PARP6: variants seen among roughly 807,000 people sequenced by gnomAD.
PARP6 encodes poly(ADP-ribose) polymerase family member 6.
Under a neutral mutation model 92.0 loss-of-function variants are expected in PARP6, and 27 were observed. The observed-to-expected ratio is 0.29, with a 90% CI of 0.22 to 0.40. PARP6 has a LOEUF of 0.40. PARP6 is among the 10% of genes least tolerant of loss of function. The pLI is 1.00. For missense variants in PARP6, 501 were observed against 784.5 expected (o/e 0.64, Z 4.32); for synonymous variants, 272 against 281.2 (o/e 0.97, Z 0.33).
chr15:72,254,388 T>C lies in PARP6; in HGVS notation c.1191+67A>G, dbSNP rs1597022413. 3.5e-6 allele frequency: 4 copies of C among 1,151,132 alleles called. No homozygotes were observed. In the East Asian group the frequency reaches 9.4e-5, roughly 27 times the overall value. The allele number at this position is 1,151,132 out of a possible 1,614,324, so 71.3% of individuals were successfully genotyped here. A position where few individuals can be genotyped will look rare whatever the true frequency, so the allele number is the denominator to read the frequency against. ...TAAATCTTCATCCCACTCCCACAAATTACCAACAGAATAGGACACTTGAAC... is the reference window on the plus strand; with the variant it reads ...TAAATCTTCATCCCACTCCCACAAACTACCAACAGAATAGGACACTTGAAC... On this transcript the variant is annotated intron_variant, in intron 15 of 23. Transcript: ENST00000569795.
At chr15:72,254,053 C>CA in intron 15 of PARP6, 1 of 465,114 alleles carries the variant, frequency 2.2e-6, no homozygotes, top group South Asian at 1.5e-5. Flanking sequence ...GTCACCGCTC[C>CA]ATGTGGCTGC....
chr15:72,271,644 C>T (rs2087451045), intron 1 of PARP6, among the ~76,000 whole-genome samples: 1 of 152,188 alleles, frequency 6.6e-6, no homozygotes, highest in South Asian at 2.1e-4. Context: ...AGACATTGGA[C>T]AGGTCCTAAT....
At chr15:72,253,569 TCA>T in intron 15 of PARP6, 65 bp from the exon 16 acceptor site, 1 of 1,358,522 alleles carries the variant, frequency 7.4e-7, no homozygotes, top group Non-Finnish European at 1.0e-6. Context: ...TTTCTGCTTT[TCA>T]CAGAGTGACT....
At chr15:72,250,174 C>G in intron 18 of PARP6, 82 bp from the exon 19 acceptor site, 1 of 840,392 alleles carries the variant, frequency 1.2e-6, no homozygotes, top group Non-Finnish European at 2.1e-6. Context: ...CCCACCCATT[C>G]TCACCCACAC....
At chr15:72,256,681 T>G (rs1200609400) in intron 13 of PARP6, 91 bp from the exon 14 acceptor site, 38 of 1,127,304 alleles carry the variant, frequency 3.4e-5, no homozygotes, top group Non-Finnish European at 4.1e-5. Context: ...TGATGTTCTT[T>G]TAAAAAGCAA....
intron 20 of PARP6, among the ~76,000 whole-genome samples, chr15:72,248,735 T>G (rs2083939777): frequency 1.3e-5 from 2 of 152,232 alleles, no homozygotes; most frequent in Admixed American, 1.3e-4. Context: ...GACCTCATCT[T>G]TAGAATAAAA....
At chr15:72,252,166 C>CA (rs1331371297) in intron 16 of PARP6, among the ~76,000 whole-genome samples, 1 of 152,196 alleles carries the variant, frequency 6.6e-6, no homozygotes, top group Non-Finnish European at 1.5e-5. Flanking sequence ...AATAGTGCCT[C>CA]AAGGCTCTGG....
chr15:72,242,769 G>A lies in PARP6; in HGVS notation c.1562-70C>T. Reference sequence around the variant, plus strand: ...AAAGTGCCTACTATGTCCCAGCACTGAGCTAGATGCTCATCAAAACAGCAG... The same window carrying A: ...AAAGTGCCTACTATGTCCCAGCACTAAGCTAGATGCTCATCAAAACAGCAG... On this transcript the variant is annotated intron_variant, in intron 20 of 23. Transcript: ENST00000569795. This position sits in a 1 kb window ranked among gnomAD's most constrained non-coding sequence, Gnocchi z 4.3. 1.2e-6 allele frequency: 1 copy of A among 861,204 alleles called. No homozygotes were observed. The highest frequency in any genetic ancestry group is 1.9e-6 in the Non-Finnish European group (1 of 532,084). The allele number at this position is 861,204 out of a possible 1,614,324, so 53.3% of individuals were successfully genotyped here.
Position 72,267,651 on chromosome 15 carries a change from C to T in PARP6, c.-174G>A, listed in dbSNP as rs570339226. The T allele has an allele frequency of 1.8e-5, 12 of 655,244 alleles. No individual in the cohort carries two copies. Among genetic ancestry groups the T allele is most frequent in the African/African-American group, 1.4e-4 (8 of 55,412 alleles). The allele number at this position is 655,244 out of a possible 1,614,324, so 40.6% of individuals were successfully genotyped here. ...TTGGGGATGGCAGGCTCTGCTGTTG[C>T]GGTGGTAACAAGTCACTGTCCTGTG... On this transcript the variant is annotated 5_prime_UTR_variant, in exon 3 of 24. Coordinates refer to ENST00000569795, the MANE Select transcript of PARP6 (RefSeq NM_001323532.2).
chr15:72,250,091 C>T lies in PARP6; in HGVS notation c.1420G>A (p.Gly474Arg). ...GAATGCCAGTTCTCAATGTGGGACCCACTGTAAGGCAGGGTAGAATACATG... is the reference window on the plus strand; with the variant it reads ...GAATGCCAGTTCTCAATGTGGGACCTACTGTAAGGCAGGGTAGAATACATG... Reference protein sequence around the residue: ...KLYGSTFAFHGSHIENWHSIL... With the variant: ...KLYGSTFAFHRSHIENWHSIL... Residue 474 changes from glycine to arginine, a missense_variant and splice_region_variant, in exon 19 of 24, where the codon GGG becomes AGG. By Grantham distance (125) the Gly-to-Arg change is moderately radical (BLOSUM62 -2). Around this residue, in one of 4 missense-constraint regions of PARP6, gnomAD observed 191 missense variants for 399.1 expected, o/e 0.48. Transcript: ENST00000569795. 6.2e-7 allele frequency: 1 copy of T among 1,602,278 alleles called. No homozygotes were observed. The highest frequency in any genetic ancestry group is 8.6e-7 in the Non-Finnish European group (1 of 1,169,246).
chr15:72,245,750 G>A (rs891695939), intron 20 of PARP6: 1 of 152,120 alleles, frequency 6.6e-6, no homozygotes, highest in Non-Finnish European at 1.5e-5. Flanking sequence ...TTATGTAATC[G>A]GTTAAGTGAT....
rs2085098111 is a variant in PARP6, at chr15:72,256,154, G to A, written c.1125+311C>T. 2.0e-5 allele frequency among the ~76,000 whole-genome samples: 3 copies of A among 152,114 alleles called. No homozygotes were observed. The South Asian group carries it at 6.2e-4, about 32-fold the overall frequency. On this transcript the variant is annotated intron_variant, in intron 14 of 23. Coordinates refer to ENST00000569795, the MANE Select transcript of PARP6 (RefSeq NM_001323532.2). ...AATATTATCCCTTTTTACAAGATAA[G>A]GAGATTGAAGTTTAGAAACGTTAAG...
chr15:72,272,091 T>A (rs1027712796), intron 1 of PARP6, among the ~76,000 whole-genome samples: 1 of 152,108 alleles, frequency 6.6e-6, no homozygotes, highest in Non-Finnish European at 1.5e-5. Flanking sequence ...CTAGGAAGAA[T>A]CACTGAGGGG....
intron 20 of PARP6, among the ~76,000 whole-genome samples, chr15:72,247,037 C>T (rs1205275490): frequency 1.3e-5 from 2 of 152,078 alleles, no homozygotes; most frequent in African/African-American, 2.4e-5. Flanking sequence ...GGATTACAGG[C>T]GTGAGCCACT....
In PARP6 at chr15:72,256,602, G is replaced by T; in HGVS notation, c.1000-12C>A. The T allele has an allele frequency of 1.3e-6, 2 of 1,518,480 alleles. No homozygotes were observed. Among genetic ancestry groups the T allele is most frequent in the African/African-American group, 1.4e-5 (1 of 69,774 alleles). 94.1% of individuals were successfully genotyped at this position (1,518,480 alleles called of 1,614,324 possible). A position where few individuals can be genotyped will look rare whatever the true frequency, so the allele number is the denominator to read the frequency against. ...AGCAGATCCACCACCTTAGGGGAAA[G>T]GAAAAAAAACAGGGCAGAAGCTAAA... On this transcript the variant is annotated splice_polypyrimidine_tract_variant and intron_variant, in intron 13 of 23. Coordinates refer to ENST00000569795, the MANE Select transcript of PARP6 (RefSeq NM_001323532.2).
At chr15:72,256,388 C>A (rs1259316162) in intron 14 of PARP6, 77 bp downstream of exon 14, 1 of 1,251,326 alleles carries the variant, frequency 8.0e-7, no homozygotes, top group East Asian at 2.8e-5. Flanking sequence ...CCTGTATATA[C>A]CAGAATGTCA....
rs537907132 is a variant in PARP6, at chr15:72,242,980, A to G, written c.1562-281T>C. 3.0e-5 allele frequency: 12 copies of G among 406,464 alleles called. No individual in the cohort carries two copies. Among genetic ancestry groups the G allele is most frequent in the Non-Finnish European group, 4.8e-5 (11 of 228,422 alleles). The allele number at this position is 406,464 out of a possible 1,614,324, so 25.2% of individuals were successfully genotyped here. On this transcript the variant is annotated intron_variant, in intron 20 of 23. Coordinates refer to ENST00000569795, the MANE Select transcript of PARP6 (RefSeq NM_001323532.2). The surrounding 1 kb of genome is among the most constrained non-coding windows in gnomAD (Gnocchi z 4.3). ...TTAAAGAAGTCATGTGGTGACAGCTAGACTGAGAACTGCAGGATTAGGAAG... is the reference window on the plus strand; with the variant it reads ...TTAAAGAAGTCATGTGGTGACAGCTGGACTGAGAACTGCAGGATTAGGAAG...
chr15:72,256,537 C>G lies in PARP6; in HGVS notation c.1053G>C (p.Lys351Asn), dbSNP rs1352532638. 1 of 1,596,276 alleles carries G rather than the reference C, an allele frequency of 6.3e-7. No homozygotes were observed. Among genetic ancestry groups the G allele is most frequent in the Non-Finnish European group, 8.5e-7 (1 of 1,172,324 alleles). Residue 351 changes from lysine (K) to asparagine (N), a missense_variant, in exon 14 of 24, where the codon AAG (lysine) becomes AAC (asparagine). By Grantham distance (94) the Lys-to-Asn change is moderately conservative. Coordinates refer to ENST00000569795, the MANE Select transcript of PARP6 (RefSeq NM_001323532.2). Reference protein sequence around the residue: ...MCRAALESPRKSIIFEPYPSV... With the variant: ...MCRAALESPRNSIIFEPYPSV... ...AGGGATAAGGCTCAAAGATGATGCT[C>G]TTTCTAGGGGACTCTAAAGCTGCCC...
At chr15:72,256,094 GC>G (rs2085086812) in intron 14 of PARP6, among the ~76,000 whole-genome samples, 1 of 152,126 alleles carries the variant, frequency 6.6e-6, no homozygotes, top group Non-Finnish European at 1.5e-5. Context: ...ACCGCGCCCA[GC>G]CTACTTCTCA....
Sources: allele counts gnomAD v4.1 joint callset (sites outside exome capture counted in the v4.1 genomes callset), GRCh38; gene constraint gnomAD v4.1.1; regional missense constraint gnomAD v4.1.1; non-coding constraint Gnocchi (gnomAD v3.1); transcripts MANE v1.5; gene names NCBI Gene and HGNC (gene_info 2026-07-23, HGNC 2026-07-21).